The following PCNT variants were observed in gnomAD, a reference collection of about 807,000 sequenced individuals.
PCNT encodes the protein kendrin.
Under a neutral mutation model 380.4 loss-of-function variants are expected in PCNT, and 319 were observed. The observed-to-expected ratio is 0.84, with a 90% CI of 0.77 to 0.92. The LOEUF (loss-of-function observed/expected upper bound fraction) is 0.92, where lower values mean the gene tolerates loss of function less well. Ranked by LOEUF, PCNT falls within the 40% of genes least tolerant of loss-of-function variation. The pLI is 0.00. For missense variants in PCNT, 4,400 were observed against 4,255.3 expected (o/e 1.03, Z -0.95); for synonymous variants, 1,845 against 1,735.2 (o/e 1.06, Z -1.57).
intron 12 of PCNT, 85 bp from the exon 13 acceptor site, chr21:46,356,889 G>T: frequency 9.1e-7 from 1 of 1,103,480 alleles, no homozygotes; most frequent in Non-Finnish European, 1.4e-6. Flanking sequence ...AGCATTTATA[G>T]GTTGCCGTTC....
Position 46,355,523 on chromosome 21 carries a change from C to T in PCNT, c.1833C>T (p.Pro611=), listed in dbSNP as rs753814259. ...HRHQLEALES[P]LCIQHEGHVS... ...ACCAGCTGGAAGCGCTGGAGTCTCC[C>T]CTCTGCATCCAGCACGAGGGGCATG... The change falls in exon 12 of 47, where the codon CCC becomes CCT. Residue 611 remains proline, a synonymous_variant. Coordinates refer to ENST00000359568, the MANE Select transcript of PCNT (RefSeq NM_006031.6). 9.9e-6 allele frequency: 16 copies of T among 1,614,090 alleles called. No homozygotes were observed. The highest frequency in any genetic ancestry group is 1.3e-5 in the African/African-American group (1 of 75,068).
chr21:46,427,955 T>C (rs1176791187), intron 34 of PCNT, among the ~76,000 whole-genome samples, 160 bp downstream of exon 34: 1 of 152,328 alleles, frequency 6.6e-6, no homozygotes, highest in African/African-American at 2.4e-5. Flanking sequence ...GCTCAGTCCA[T>C]GCAGGATGCT....
At chr21:46,336,062 C>T (rs1026018514) in intron 3 of PCNT, among the ~76,000 whole-genome samples, 9 of 152,048 alleles carry the variant, frequency 5.9e-5, no homozygotes, top group Admixed American at 3.9e-4. Flanking sequence ...CTGCAACCTC[C>T]GCCTCCCAGG....
At chr21:46,358,210 A>G (rs2084549980) in intron 13 of PCNT, among the ~76,000 whole-genome samples, 1 of 152,256 alleles carries the variant, frequency 6.6e-6, no homozygotes, top group Admixed American at 6.5e-5. Context: ...GTGCCAGAGC[A>G]GTGGAGTTAA....
In PCNT at chr21:46,389,435, AG is replaced by A. The variant is rs2085957052; in HGVS notation, c.3840+6del. On this transcript the variant is annotated splice_donor_5th_base_variant and intron_variant, in intron 19 of 46. Coordinates refer to ENST00000359568, the MANE Select transcript of PCNT (RefSeq NM_006031.6). Reference sequence around the variant, plus strand: ...GGCCCTGGACTCCAGCAGGCAGGTGAGGCCCAGGCTCCCGGGGTCCTGTGGA... The same window carrying A: ...GGCCCTGGACTCCAGCAGGCAGGTGAGCCCAGGCTCCCGGGGTCCTGTGGA... 6.2e-7 allele frequency: 1 copy of A among 1,610,718 alleles called. No homozygotes were observed. Among genetic ancestry groups the A allele is most frequent in the African/African-American group, 1.3e-5 (1 of 74,852 alleles).
At chr21:46,429,240 A>G (rs564805178) in intron 35 of PCNT, among the ~76,000 whole-genome samples, 93 of 143,144 alleles carry the variant, frequency 6.5e-4, no homozygotes, top group African/African-American at 2.2e-3. Context: ...CATGCTCGTG[A>G]GGGGCATGGG....
At position 46,443,854 on chromosome 21, in the gene PCNT, TC is replaced by T. The variant is rs761527377; in HGVS notation, c.9752del (p.Pro3251GlnfsTer39). On this transcript the variant is annotated frameshift_variant, in exon 45 of 47. Transcript: ENST00000359568. LOFTEE classifies it high-confidence loss of function. Reference sequence around the variant, plus strand: ...GCAGTCTCCACCCAGAACCAGAGAGTCCCCCCCAACCCGGGATGTACCCTCT... The same window carrying T: ...GCAGTCTCCACCCAGAACCAGAGAGTCCCCCCAACCCGGGATGTACCCTCT... The part of the protein sequence containing the change: ...QPQSPPRTRE[S>X]PPTRDVPSGH... The T allele has an allele frequency of 1.2e-5, 20 of 1,609,576 alleles. No individual in the cohort carries two copies. Among genetic ancestry groups the T allele is most frequent in the Non-Finnish European group, 1.3e-5 (15 of 1,178,778 alleles).
At chr21:46,360,581 C>T (rs1329617464) in intron 13 of PCNT, among the ~76,000 whole-genome samples, 13 of 138,374 alleles carry the variant, frequency 9.4e-5, no homozygotes, top group South Asian at 2.3e-4. Context: ...TGCAGTGGTG[C>T]GATATCCGCC....
At chr21:46,420,076 C>T (rs1043353953) in intron 31 of PCNT, among the ~76,000 whole-genome samples, 4 of 151,776 alleles carry the variant, frequency 2.6e-5, no homozygotes, top group South Asian at 2.1e-4. Flanking sequence ...CCTCTGTGCC[C>T]GCGCCCTCCA....
chr21:46,348,310 G>C (rs1184241345), intron 6 of PCNT: 1 of 165,732 alleles, frequency 6.0e-6, no homozygotes, highest in African/African-American at 2.4e-5. Context: ...TTGTGCAGAG[G>C]CTGGTCTGTT....
At chr21:46,415,082 G>A (rs1308975656) in intron 29 of PCNT, among the ~76,000 whole-genome samples, 1 of 152,258 alleles carries the variant, frequency 6.6e-6, no homozygotes, top group Non-Finnish European at 1.5e-5. Context: ...CGCAGCCCTC[G>A]TGAGTGTCCC....
intron 41 of PCNT, among the ~76,000 whole-genome samples, chr21:46,438,873 A>G (rs1051465563): frequency 9.9e-5 from 15 of 151,856 alleles, no homozygotes; most frequent in African/African-American, 3.4e-4. Flanking sequence ...GGGTTTTGCC[A>G]TGTTGGCCAG....
chr21:46,381,336 A>G (rs1159456135), intron 15 of PCNT, among the ~76,000 whole-genome samples: 1 of 151,920 alleles, frequency 6.6e-6, no homozygotes, highest in Non-Finnish European at 1.5e-5. Flanking sequence ...TAGGTTTCCA[A>G]ATATCTTGGG....
chr21:46,399,788 C>A lies in PCNT; in HGVS notation c.4783C>A (p.Leu1595Met). Residue 1595 changes from leucine (L) to methionine (M), a missense_variant, in exon 25 of 47, where the codon CTG becomes ATG. Physicochemically the swap from Leu to Met is conservative, Grantham distance 15. Transcript: ENST00000359568. ...VEKQKNIVKG[L>M]EQDKEVLKKQ... ...AAAACAGAAAAACATCGTGAAAGGG[C>A]TGGAACAGGTAAAGCGTCTCCATGT... The A allele has an allele frequency of 6.2e-7, 1 of 1,613,802 alleles. No individual in the cohort carries two copies. The highest frequency in any genetic ancestry group is 8.5e-7 in the Non-Finnish European group (1 of 1,179,742).
intron 39 of PCNT, 44 bp downstream of exon 39, chr21:46,436,192 A>C (rs1235102124): frequency 3.8e-6 from 6 of 1,598,248 alleles, no homozygotes; most frequent in East Asian, 4.5e-5. Context: ...CCTTGCAGCC[A>C]CCCCTCTGTC....
chr21:46,387,838 G>T (rs1474842776), intron 17 of PCNT, among the ~76,000 whole-genome samples: 2 of 152,110 alleles, frequency 1.3e-5, no homozygotes, highest in African/African-American at 4.8e-5. Context: ...GTCCTCAGCG[G>T]CGTCACAGCT....
chr21:46,329,546 A>G (rs1007815084), intron 2 of PCNT, among the ~76,000 whole-genome samples: 10 of 152,340 alleles, frequency 6.6e-5, no homozygotes, highest in South Asian at 2.1e-4. Context: ...AGCAATCTAT[A>G]AATAACAGGC....
At chr21:46,399,273 G>GGGTCTCTGTTCAGCCTGTGGGTCTA (rs1569252644) in intron 24 of PCNT, among the ~76,000 whole-genome samples, 1 of 60,230 alleles carries the variant, frequency 1.7e-5, no homozygotes. Context: ...CTGTGGGTCT[G>GGGTCTCTGTTCAGCCTGTGGGTCTA]GGTCTCTGTT....
At chr21:46,324,963 G>A in intron 1 of PCNT, 2 of 968,288 alleles carry the variant, frequency 2.1e-6, no homozygotes, top group South Asian at 4.9e-5. Context: ...CCTTGGGCTC[G>A]CGTCCTGCCC....
Sources: gnomAD v4.1 joint callset for allele counts (sites outside exome capture counted in the v4.1 genomes callset) on GRCh38, gnomAD v4.1.1 for gene constraint, MANE v1.5 for transcripts, NCBI Gene and HGNC (gene_info 2026-07-23, HGNC 2026-07-21) for gene names.